The following TSHZ2 variants were observed in gnomAD, a reference collection of about 807,000 sequenced individuals.
The protein encoded by TSHZ2 is teashirt zinc finger homeobox 2, also known as teashirt homolog 2.
Under a neutral mutation model 74.4 loss-of-function variants are expected in TSHZ2, and 21 were observed. The ratio of observed to expected loss-of-function variants is 0.28; its 90% CI spans 0.20 to 0.41. TSHZ2 has a LOEUF of 0.41. TSHZ2 is among the 10% of genes least tolerant of loss of function. TSHZ2 has a pLI of 1.00. For synonymous variants in TSHZ2, 540 were observed against 515.3 expected, an observed-to-expected ratio of 1.05 and a Z score of -0.65; for missense variants, 1,244 against 1,293.5, an observed-to-expected ratio of 0.96 and a Z score of 0.59.
intron 2 of TSHZ2, among the ~76,000 whole-genome samples, chr20:53,420,713 A>G (rs945766546): frequency 2.6e-5 from 4 of 152,112 alleles, no homozygotes; most frequent in Non-Finnish European, 5.9e-5. Flanking sequence ...CAGTGAGCCG[A>G]GATTGTGCCA....
intron 1 of TSHZ2, among the ~76,000 whole-genome samples, chr20:53,040,362 G>C (rs1297151154): frequency 6.6e-6 from 1 of 152,178 alleles, no homozygotes; most frequent in Non-Finnish European, 1.5e-5. Flanking sequence ...GGCTAAATCA[G>C]AGGGCAGGTG....
intron 2 of TSHZ2, among the ~76,000 whole-genome samples, chr20:53,486,885 C>T (rs1986302243): frequency 1.3e-5 from 2 of 152,038 alleles, no homozygotes; most frequent in African/African-American, 4.8e-5. Context: ...GTCTGTTGTT[C>T]GCATGTTTAC....
intron 1 of TSHZ2, among the ~76,000 whole-genome samples, chr20:53,023,043 CTCCATATAAAAG>C: frequency 6.6e-6 from 1 of 152,174 alleles, no homozygotes; most frequent in Non-Finnish European, 1.5e-5. Context: ...CTGCTCCTGA[CTCCATATAAAAG>C]TAAATTCTTA....
intron 1 of TSHZ2, among the ~76,000 whole-genome samples, chr20:53,235,847 A>G (rs1013426733): frequency 2.0e-5 from 3 of 152,188 alleles, no homozygotes; most frequent in Admixed American, 2.0e-4. Flanking sequence ...GGTCTTTAAG[A>G]ATGAAAGATA....
intron 1 of TSHZ2, among the ~76,000 whole-genome samples, chr20:53,038,139 C>T (rs1013027821): frequency 1.6e-5 from 2 of 123,824 alleles, no homozygotes; most frequent in Non-Finnish European, 3.2e-5. Flanking sequence ...TCGCAGTGAG[C>T]TGAGATCGCA....
chr20:53,059,022 A>G (rs1313454429), intron 1 of TSHZ2, among the ~76,000 whole-genome samples: 1 of 152,212 alleles, frequency 6.6e-6, no homozygotes, highest in Non-Finnish European at 1.5e-5. Flanking sequence ...AGTCTCATTG[A>G]GTGTATTTTC....
chr20:53,299,147 T>G (rs991425191), intron 2 of TSHZ2, among the ~76,000 whole-genome samples: 1 of 152,236 alleles, frequency 6.6e-6, no homozygotes, highest in South Asian at 2.1e-4. Context: ...AGACCCCATC[T>G]GTTCTATAAA....
chr20:53,072,108 G>A (rs1016112847), intron 1 of TSHZ2, among the ~76,000 whole-genome samples: 2 of 152,156 alleles, frequency 1.3e-5, no homozygotes, highest in Admixed American at 6.5e-5. Context: ...GGGGAACCCC[G>A]GTGGAATATT....
intron 2 of TSHZ2, among the ~76,000 whole-genome samples, chr20:53,360,710 C>T (rs1481946711): frequency 2.0e-5 from 3 of 152,170 alleles, no homozygotes; most frequent in East Asian, 1.9e-4. Flanking sequence ...GCATTATCCC[C>T]ATTTTTCAGA....
rs1270457178 is a variant in TSHZ2 at position 52,973,142 on chromosome 20, A to AG, written c.-146dup. ...CTCTGGCCCGTGGTGGAGGAGTTGC[A>AG]GGGGGGATCGTCAGGGGGACAGAGG... On this transcript the variant is annotated 5_prime_UTR_variant, in exon 1 of 3. The change creates a premature stop within an existing upstream ORF in the 5' untranslated region. Transcript: ENST00000371497. 1.1e-5 allele frequency: 10 copies of AG among 952,118 alleles called. No individual in the cohort carries two copies. Among genetic ancestry groups the AG allele is most frequent in the South Asian group, 5.3e-5 (3 of 56,582 alleles). 59.0% of individuals were successfully genotyped at this position (952,118 alleles called of 1,614,324 possible). A position where few individuals can be genotyped will look rare whatever the true frequency, so the allele number is the denominator to read the frequency against.
intron 2 of TSHZ2, among the ~76,000 whole-genome samples, chr20:53,296,945 C>T (rs1991391119): frequency 6.6e-6 from 1 of 152,150 alleles, no homozygotes; most frequent in South Asian, 2.1e-4. Context: ...AATGATCTGC[C>T]CAAAGTGAAT....
intron 2 of TSHZ2, among the ~76,000 whole-genome samples, chr20:53,295,438 G>A (rs556910079): frequency 4.6e-5 from 7 of 152,258 alleles, no homozygotes; most frequent in African/African-American, 1.7e-4. Flanking sequence ...GTGTGCACGT[G>A]TATGACTTAA....
chr20:53,451,816 C>T (rs1984795478), intron 2 of TSHZ2, among the ~76,000 whole-genome samples: 1 of 152,174 alleles, frequency 6.6e-6, no homozygotes, highest in South Asian at 2.1e-4. Flanking sequence ...AAGCTGGGAT[C>T]CTTCCAATTT....
intron 1 of TSHZ2, among the ~76,000 whole-genome samples, chr20:53,092,946 A>C (rs1985928520): frequency 6.6e-6 from 1 of 152,156 alleles, no homozygotes; most frequent in Non-Finnish European, 1.5e-5. Flanking sequence ...AATGGCCAGG[A>C]TTGTTTCCCA....
intron 1 of TSHZ2, among the ~76,000 whole-genome samples, chr20:53,126,455 A>G (rs1986949871): frequency 1.3e-5 from 2 of 152,320 alleles, no homozygotes; most frequent in South Asian, 4.1e-4. Flanking sequence ...GATGCTGAGT[A>G]TTTGTAGGTT....
chr20:53,357,579 T>C (rs1025798735), intron 2 of TSHZ2, among the ~76,000 whole-genome samples: 4 of 152,270 alleles, frequency 2.6e-5, no homozygotes, highest in East Asian at 3.9e-4. Flanking sequence ...TAATAAAAAA[T>C]GTGAGCTCTT....
chr20:53,345,700 T>G (rs113180381), intron 2 of TSHZ2, among the ~76,000 whole-genome samples: 1,532 of 141,700 alleles, frequency 0.011, 28 homozygotes, highest in African/African-American at 0.034. Flanking sequence ...TGATTATATC[T>G]TTCATCCCCA....
chr20:53,430,199 G>A (rs1983789377), intron 2 of TSHZ2, among the ~76,000 whole-genome samples: 2 of 152,010 alleles, frequency 1.3e-5, no homozygotes, highest in Non-Finnish European at 2.9e-5. Flanking sequence ...CTGTCTCCAG[G>A]GTTGAAGCGA....
At chr20:53,100,930 G>A (rs547601993) in intron 1 of TSHZ2, among the ~76,000 whole-genome samples, 1 of 152,110 alleles carries the variant, frequency 6.6e-6, no homozygotes, top group Non-Finnish European at 1.5e-5. Flanking sequence ...GTTTTTTGAG[G>A]TTTCTGAAAC....
Sources: gnomAD v4.1 joint callset for allele counts (sites outside exome capture counted in the v4.1 genomes callset) on GRCh38, gnomAD v4.1.1 for gene constraint, MANE v1.5 for transcripts, NCBI Gene and HGNC (gene_info 2026-07-23, HGNC 2026-07-21) for gene names.